Variants in BCHE observed in about 807,000 individuals in gnomAD.
BCHE encodes the protein butyrylcholinesterase, also known as cholinesterase.
Under a neutral mutation model 51.3 loss-of-function variants are expected in BCHE, and 48 were observed. The ratio of observed to expected loss-of-function variants is 0.94; its 90% CI spans 0.74 to 1.19. The LOEUF (loss-of-function observed/expected upper bound fraction) is 1.19, where lower values mean the gene tolerates loss of function less well. Among genes scored for constraint, BCHE ranks in the 50% most tolerant of loss-of-function variants. The pLI, the probability that BCHE is intolerant of heterozygous loss-of-function variation, is 0.00. For missense variants in BCHE, 847 were observed against 708.2 expected, an observed-to-expected ratio of 1.20 and a Z score of -2.23; for synonymous variants, 251 against 238.0, an observed-to-expected ratio of 1.05 and a Z score of -0.50.
chr3:165,812,236 T>A (rs545290082), intron 2 of BCHE, among the ~76,000 whole-genome samples: 1 of 151,948 alleles, frequency 6.6e-6, no homozygotes, highest in Admixed American at 6.6e-5. Context: ...CAACTATTTC[T>A]TAGACATCAA....
At chr3:165,832,544 G>A (rs944140180) in intron 1 of BCHE, among the ~76,000 whole-genome samples, 5 of 151,922 alleles carry the variant, frequency 3.3e-5, no homozygotes, top group African/African-American at 4.8e-5. Context: ...CACTTACCTC[G>A]GCCTCCCAAA....
chr3:165,802,665 C>T (rs147452414), intron 2 of BCHE, among the ~76,000 whole-genome samples: 70 of 149,912 alleles, frequency 4.7e-4, no homozygotes, highest in African/African-American at 1.7e-3. Context: ...GAGACATTTA[C>T]AGAGATATAC....
At chr3:165,832,267 C>T (rs758834988) in intron 1 of BCHE, among the ~76,000 whole-genome samples, 4 of 152,096 alleles carry the variant, frequency 2.6e-5, no homozygotes, top group Non-Finnish European at 5.9e-5. Context: ...AGAGGGACAG[C>T]AAAATGTGAT....
intron 2 of BCHE, among the ~76,000 whole-genome samples, chr3:165,808,273 G>T (rs1288659011): frequency 6.6e-6 from 1 of 151,880 alleles, no homozygotes; most frequent in Non-Finnish European, 1.5e-5. Context: ...GCGCGATATT[G>T]CTTGTTGTAA....
At chr3:165,791,305 C>T (rs905682929) in intron 2 of BCHE, among the ~76,000 whole-genome samples, 2 of 148,344 alleles carry the variant, frequency 1.3e-5, no homozygotes, top group Non-Finnish European at 3.0e-5. Context: ...GGGGGGCGGG[C>T]GGGAAGGAAA....
rs2081378434 is a variant in BCHE at position 165,830,162 on chromosome 3, C to A, written c.872G>T (p.Cys291Phe). 1 of 1,613,938 alleles carries A rather than the reference C, an allele frequency of 6.2e-7. No individual in the cohort carries two copies. Residue 291 changes from cysteine (C) to phenylalanine (F), a missense_variant, in exon 2 of 4, where the codon TGT (cysteine) becomes TTT (phenylalanine). Coordinates refer to ENST00000264381, the MANE Select transcript of BCHE (RefSeq NM_000055.4). ...TTCTTGGGGATCTTTATTTCTAAGA[C>A]ACTTGATTATTTCAGTCTCATTCTC... is the stretch of plus-strand genomic sequence containing the variant. ...SRENETEIIK[C>F]LRNKDPQEIL...
At chr3:165,783,954 A>C (rs1477210804) in intron 3 of BCHE, among the ~76,000 whole-genome samples, 1 of 152,036 alleles carries the variant, frequency 6.6e-6, no homozygotes, top group African/African-American at 2.4e-5. Flanking sequence ...TGTTTAAACA[A>C]GTTTCAAGAA....
chr3:165,778,667 A>T (rs1489011115), intron 3 of BCHE: 1 of 452,700 alleles, frequency 2.2e-6, no homozygotes, highest in Admixed American at 2.4e-5. Flanking sequence ...GAGTAAGCAG[A>T]CCCTGTCATT....
chr3:165,794,361 A>G (rs1713287988), intron 2 of BCHE, among the ~76,000 whole-genome samples: 1 of 152,140 alleles, frequency 6.6e-6, no homozygotes, highest in South Asian at 2.1e-4. Context: ...ACACATATAC[A>G]CAAGCTGTCA....
chr3:165,830,660 A>G lies in BCHE; in HGVS notation c.374T>C (p.Val125Ala), dbSNP rs1470688576. The change falls in exon 2 of 4, where the codon GTA becomes GCA. Residue 125 changes from valine (V) to alanine (A), a missense_variant. Transcript: ENST00000264381. ...DLSEDCLYLN[V>A]WIPAPKPKNA... Reference sequence around the variant, plus strand: ...TTTTGGTTTAGGTGCTGGAATCCATACATTTAGATATAAACAGTCTTCACT... The same window carrying G: ...TTTTGGTTTAGGTGCTGGAATCCATGCATTTAGATATAAACAGTCTTCACT... 7 of 1,614,052 alleles carry G rather than the reference A, an allele frequency of 4.3e-6. No individual in the cohort carries two copies. The Admixed American group carries it at 6.7e-5, about 15-fold the overall frequency.
intron 2 of BCHE, among the ~76,000 whole-genome samples, chr3:165,797,477 A>G (rs1291386430): frequency 1.3e-5 from 2 of 150,470 alleles, no homozygotes; most frequent in Non-Finnish European, 3.0e-5. Context: ...ACCCATTTTC[A>G]TCTTCCAGAG....
rs143085215 is a variant in BCHE at position 165,804,177 on chromosome 3, C to T, written c.1518-17866G>A. ...TGATTCAGAAATAATTAAGTGACTT[C>T]GCAACATGGAAATACAGACCAATAT... On this transcript the variant is annotated intron_variant, in intron 2 of 3. Transcript: ENST00000264381. 2.1e-3 allele frequency among the ~76,000 whole-genome samples: 313 copies of T among 151,982 alleles called. 1 individual carries two copies. Among genetic ancestry groups the T allele is most frequent in the African/African-American group, 7.0e-3 (292 of 41,464 alleles).
intron 2 of BCHE, among the ~76,000 whole-genome samples, chr3:165,817,240 T>C (rs921732608): frequency 1.1e-4 from 17 of 152,076 alleles, no homozygotes; most frequent in African/African-American, 4.1e-4. Context: ...CTGATTCTGA[T>C]CATTTTTTCC....
At chr3:165,796,071 A>G (rs1713363759) in intron 2 of BCHE, among the ~76,000 whole-genome samples, 1 of 152,096 alleles carries the variant, frequency 6.6e-6, no homozygotes, top group African/African-American at 2.4e-5. Context: ...AAAAAAGAAG[A>G]CTTATTTTCA....
chr3:165,833,384 C>T (rs1715061574), intron 1 of BCHE, among the ~76,000 whole-genome samples: 1 of 152,042 alleles, frequency 6.6e-6, no homozygotes, highest in South Asian at 2.1e-4. Flanking sequence ...GCCTACCACA[C>T]CTTTAGGCTA....
intron 2 of BCHE, among the ~76,000 whole-genome samples, chr3:165,786,892 G>T (rs1184913838): frequency 6.6e-6 from 1 of 151,676 alleles, no homozygotes; most frequent in Non-Finnish European, 1.5e-5. Flanking sequence ...TAATTCTTAA[G>T]TGGTTTCATA....
intron 2 of BCHE, among the ~76,000 whole-genome samples, chr3:165,803,067 C>CGT: frequency 6.6e-6 from 1 of 151,950 alleles, no homozygotes; most frequent in South Asian, 2.1e-4. Flanking sequence ...AGGAAGAGTA[C>CGT]AGGAAAAGAG....
At chr3:165,777,033 T>A (rs1024704145) in intron 3 of BCHE, among the ~76,000 whole-genome samples, 7 of 151,294 alleles carry the variant, frequency 4.6e-5, no homozygotes, top group African/African-American at 1.7e-4. Context: ...AAGAAAAAAA[T>A]AGAGTTGGCA....
At chr3:165,835,276 T>C (rs996920819) in intron 1 of BCHE, among the ~76,000 whole-genome samples, 8 of 151,848 alleles carry the variant, frequency 5.3e-5, no homozygotes, top group African/African-American at 1.7e-4. Flanking sequence ...CTAAATGTTA[T>C]ACTATAAGAT....
Sources: allele counts gnomAD v4.1 joint callset (sites outside exome capture counted in the v4.1 genomes callset), GRCh38; gene constraint gnomAD v4.1.1; transcripts MANE v1.5; gene names NCBI Gene and HGNC (gene_info 2026-07-23, HGNC 2026-07-21).